The following EXOC6B variants were observed in gnomAD, a reference collection of about 807,000 sequenced individuals.
EXOC6B encodes SEC15 homolog B.
In EXOC6B, 54 loss-of-function variants were observed where a neutral mutation model predicts 113.5. The ratio of observed to expected loss-of-function variants is 0.48; its 90% confidence interval spans 0.38 to 0.60. The LOEUF is 0.60. Ranked by LOEUF, EXOC6B falls within the 20% of genes least tolerant of loss-of-function variation. The pLI, the probability that EXOC6B is intolerant of heterozygous loss-of-function variation, is 0.00. For synonymous variants in EXOC6B, 357 were observed against 339.0 expected (o/e 1.05, Z -0.58); for missense variants, 797 against 977.5 (o/e 0.82, Z 2.46).
chr2:72,704,623 C>T (rs1283424891), intron 6 of EXOC6B, among the ~76,000 whole-genome samples: 4 of 151,966 alleles, frequency 2.6e-5, no homozygotes, highest in South Asian at 2.1e-4. Context: ...CAAATAGACG[C>T]AATAAAAAAT....
In EXOC6B at chr2:72,392,568, C is replaced by T. The variant is rs571672599; in HGVS notation, c.1981-12698G>A. Among the ~76,000 whole-genome samples, 105 of 152,324 alleles carry T rather than the reference C, an allele frequency of 6.9e-4. 1 individual carries two copies. Among genetic ancestry groups the T allele is most frequent in the African/African-American group, 2.4e-3 (98 of 41,578 alleles). ...ATCAATATCCGGATCAGCTCATGAT[C>T]TGCTTCTACTGACTATTTAAACCTT... On this transcript the variant is annotated intron_variant, in intron 18 of 21. Coordinates refer to ENST00000272427, the MANE Select transcript of EXOC6B (RefSeq NM_015189.3).
At chr2:72,289,389 C>G (rs1558525522) in intron 20 of EXOC6B, among the ~76,000 whole-genome samples, 1 of 152,106 alleles carries the variant, frequency 6.6e-6, no homozygotes, top group Non-Finnish European at 1.5e-5. Flanking sequence ...TACTTTCCCT[C>G]TTTAAATATG....
At chr2:72,508,305 T>G (rs1335024232) in intron 11 of EXOC6B, among the ~76,000 whole-genome samples, 1 of 152,130 alleles carries the variant, frequency 6.6e-6, no homozygotes, top group Non-Finnish European at 1.5e-5. Flanking sequence ...GCCTGAAATG[T>G]GTCAATTAAT....
intron 6 of EXOC6B, among the ~76,000 whole-genome samples, chr2:72,631,432 A>G (rs1159128549): frequency 0.093 from 1,545 of 16,624 alleles, 87 homozygotes; most frequent in African/African-American, 0.22. Flanking sequence ...GTGTGTATAT[A>G]TATATATATA....
At chr2:72,561,817 T>G (rs550141177) in intron 7 of EXOC6B, among the ~76,000 whole-genome samples, 1 of 152,274 alleles carries the variant, frequency 6.6e-6, no homozygotes, top group Admixed American at 6.5e-5. Flanking sequence ...GTGACATCAT[T>G]CTATCAGCTT....
At chr2:72,236,494 A>G (rs1681967473) in intron 20 of EXOC6B, among the ~76,000 whole-genome samples, 3 of 152,164 alleles carry the variant, frequency 2.0e-5, no homozygotes, top group African/African-American at 7.2e-5. Flanking sequence ...GTAATTTTCA[A>G]TACACTTCCC....
intron 18 of EXOC6B, among the ~76,000 whole-genome samples, chr2:72,456,256 G>A (rs992862753): frequency 5.9e-5 from 9 of 152,122 alleles, no homozygotes; most frequent in South Asian, 2.1e-4. Flanking sequence ...GACCAATTCA[G>A]AATTTCAACC....
At chr2:72,218,141 G>A (rs1680649642) in intron 20 of EXOC6B, among the ~76,000 whole-genome samples, 2 of 152,128 alleles carry the variant, frequency 1.3e-5, no homozygotes, top group African/African-American at 2.4e-5. Flanking sequence ...CCCAGTCAGA[G>A]GAAAACAATT....
At chr2:72,367,568 A>C (rs1690708048) in intron 19 of EXOC6B, among the ~76,000 whole-genome samples, 1 of 152,248 alleles carries the variant, frequency 6.6e-6, no homozygotes, top group Non-Finnish European at 1.5e-5. Flanking sequence ...CACTGGCACA[A>C]GAACCAAAAA....
intron 17 of EXOC6B, among the ~76,000 whole-genome samples, chr2:72,475,910 G>A (rs1229510168): frequency 6.6e-6 from 1 of 152,190 alleles, no homozygotes; most frequent in African/African-American, 2.4e-5. Flanking sequence ...GGCCCCTGGT[G>A]TGGGTGGCCC....
chr2:72,814,095 G>A (rs973851507), intron 1 of EXOC6B, among the ~76,000 whole-genome samples: 2 of 152,186 alleles, frequency 1.3e-5, no homozygotes, highest in African/African-American at 4.8e-5. Context: ...ATATGCGTGA[G>A]TCACAGAATC....
intron 8 of EXOC6B, among the ~76,000 whole-genome samples, chr2:72,521,486 A>G (rs1701485543): frequency 6.6e-6 from 1 of 152,154 alleles, no homozygotes; most frequent in Non-Finnish European, 1.5e-5. Context: ...TCTGACTTAC[A>G]ATTTGCTCTG....
intron 15 of EXOC6B, among the ~76,000 whole-genome samples, chr2:72,492,969 T>C (rs942826183): frequency 4.6e-5 from 7 of 152,164 alleles, no homozygotes; most frequent in Non-Finnish European, 8.8e-5. Flanking sequence ...GCCACTTTAA[T>C]TTAAAGTATT....
At chr2:72,508,163 C>G (rs1208704781) in intron 11 of EXOC6B, among the ~76,000 whole-genome samples, 2 of 57,550 alleles carry the variant, frequency 3.5e-5, no homozygotes, top group Non-Finnish European at 5.7e-5. Flanking sequence ...ATATTACCCG[C>G]AAAAAAAAAA....
intron 20 of EXOC6B, among the ~76,000 whole-genome samples, chr2:72,195,883 A>G (rs1224736986): frequency 6.6e-6 from 1 of 152,184 alleles, no homozygotes; most frequent in East Asian, 1.9e-4. Flanking sequence ...AATTTACTTA[A>G]CCTGAGTACA....
At chr2:72,442,685 G>T (rs919255314) in intron 18 of EXOC6B, among the ~76,000 whole-genome samples, 1 of 152,144 alleles carries the variant, frequency 6.6e-6, no homozygotes, top group Non-Finnish European at 1.5e-5. Flanking sequence ...GCTAAGTAGG[G>T]AGGTAAAAGA....
intron 18 of EXOC6B, among the ~76,000 whole-genome samples, chr2:72,421,703 T>A (rs576830990): frequency 6.6e-6 from 1 of 152,386 alleles, no homozygotes; most frequent in South Asian, 2.1e-4. Flanking sequence ...CGGCGCCTCC[T>A]CTGCCTGGGC....
chr2:72,763,938 G>A (rs140978505), intron 1 of EXOC6B, among the ~76,000 whole-genome samples: 14 of 151,954 alleles, frequency 9.2e-5, no homozygotes, highest in African/African-American at 3.4e-4. Context: ...AAAATTAGCC[G>A]GGTGTGGTGG....
chr2:72,364,236 T>C (rs1443426513), intron 19 of EXOC6B, among the ~76,000 whole-genome samples: 2 of 151,462 alleles, frequency 1.3e-5, no homozygotes, highest in Non-Finnish European at 2.9e-5. Flanking sequence ...ATGAGGGGGG[T>C]GGTATAGGGA....
Sources: gnomAD v4.1 joint callset for allele counts (sites outside exome capture counted in the v4.1 genomes callset) on GRCh38, gnomAD v4.1.1 for gene constraint, MANE v1.5 for transcripts, NCBI Gene and HGNC (gene_info 2026-07-23, HGNC 2026-07-21) for gene names.